Variants in CCR7 observed in about 807,000 individuals in gnomAD.
CCR7 encodes C-C motif chemokine receptor 7.
A neutral mutation model predicts 26.0 loss-of-function variants in CCR7; 11 were observed. That is an observed-to-expected ratio of 0.42 (90% CI 0.27 to 0.70). The LOEUF is 0.70. Ranked by LOEUF, CCR7 falls within the 30% of genes least tolerant of loss-of-function variation. The pLI, the probability that CCR7 is intolerant of heterozygous loss-of-function variation, is 0.23. For missense variants in CCR7, 360 were observed against 504.0 expected (o/e 0.71, Z 2.74); for synonymous variants, 189 against 202.1 (o/e 0.94, Z 0.55).
At chr17:40,564,796 G>A (rs1312245004) in intron 1 of CCR7, among the ~76,000 whole-genome samples, 1 of 152,140 alleles carries the variant, frequency 6.6e-6, no homozygotes, top group Non-Finnish European at 1.5e-5. Flanking sequence ...CTTGCAAGAG[G>A]CAACAGCAAA....
chr17:40,554,707 G>A lies in CCR7; in HGVS notation c.*35C>T, dbSNP rs1427193981. 6.7e-7 allele frequency: 1 copy of A among 1,494,968 alleles called. No individual in the cohort carries two copies. Among genetic ancestry groups the A allele is most frequent in the Non-Finnish European group, 9.1e-7 (1 of 1,098,008 alleles). The allele number at this position is 1,494,968 out of a possible 1,614,324, so 92.6% of individuals were successfully genotyped here. On this transcript the variant is annotated 3_prime_UTR_variant, in exon 3 of 3. Transcript: ENST00000246657. ...TCCCTATCCCCACCCCAGGGACCCT[G>A]GGAGAGGTCCCTCTAGTCCAGGCAG... is the stretch of plus-strand genomic sequence containing the variant.
At position 40,555,607 on chromosome 17, in the gene CCR7, G is replaced by C; in HGVS notation, c.272C>G (p.Thr91Ser). The change falls in exon 3 of 3, where the codon ACC becomes AGC. Residue 91 changes from threonine (T) to serine (S), a missense_variant. Coordinates refer to ENST00000246657, the MANE Select transcript of CCR7 (RefSeq NM_001838.4). This position sits in a 1 kb window ranked among gnomAD's most constrained non-coding sequence, Gnocchi z 5.6. ...GTTGAGCAGGTAGGTATCGGTCATG[G>C]TCTTGAGCCTCTTGAAATAGATATA... ...LTYIYFKRLK[T>S]MTDTYLLNLA... The C allele has an allele frequency of 6.2e-7, 1 of 1,614,168 alleles. No homozygotes were observed. The highest frequency in any genetic ancestry group is 1.3e-5 in the African/African-American group (1 of 75,042).
At position 40,565,437 on chromosome 17, in the gene CCR7, A is replaced by C. The variant is rs752254779; in HGVS notation, c.-28T>G. The C allele has an allele frequency of 2.7e-5, 44 of 1,612,494 alleles. No homozygotes were observed. The South Asian group carries it at 4.4e-4, about 16-fold the overall frequency. Reference sequence around the variant, plus strand: ...CGCTCTCTGGGCGGTAAAACCACACAGGAAGGCTGTGCCCGGCCTCGCACT... The same window carrying C: ...CGCTCTCTGGGCGGTAAAACCACACCGGAAGGCTGTGCCCGGCCTCGCACT... On this transcript the variant is annotated 5_prime_UTR_variant, in exon 1 of 3. Coordinates refer to ENST00000246657, the MANE Select transcript of CCR7 (RefSeq NM_001838.4).
In CCR7 at chr17:40,559,210, C is replaced by T. The variant is rs563050018; in HGVS notation, c.11-268G>A. Among the ~76,000 whole-genome samples the T allele has an allele frequency of 3.3e-5, 5 of 152,332 alleles. No homozygotes were observed. The South Asian group carries it at 1.0e-3, about 32-fold the overall frequency. ...AATGCAGGGCAGCCCCTCCCACCCC[C>T]TGTCTTGGCCCATCTGGGCTGCTTC... On this transcript the variant is annotated intron_variant, in intron 1 of 2. Coordinates refer to ENST00000246657, the MANE Select transcript of CCR7 (RefSeq NM_001838.4).
chr17:40,565,386 A>G lies in CCR7; in HGVS notation c.10+14T>C, dbSNP rs2036698979. 1.2e-6 allele frequency: 2 copies of G among 1,611,628 alleles called. No homozygotes were observed. Among genetic ancestry groups the G allele is most frequent in the South Asian group, 1.1e-5 (1 of 91,042 alleles). On this transcript the variant is annotated intron_variant, in intron 1 of 2. Coordinates refer to ENST00000246657, the MANE Select transcript of CCR7 (RefSeq NM_001838.4). Reference sequence around the variant, plus strand: ...CCTGGTACTGTTCCTTCTCACATGAAGAGGCTCACTCACCCAGGTCCATGA... The same window carrying G: ...CCTGGTACTGTTCCTTCTCACATGAGGAGGCTCACTCACCCAGGTCCATGA...
chr17:40,561,201 C>G (rs1037905014), intron 1 of CCR7, among the ~76,000 whole-genome samples: 12 of 152,240 alleles, frequency 7.9e-5, no homozygotes, highest in African/African-American at 2.4e-4. Context: ...GACGCTGTCC[C>G]ACTCCTGCTG....
chr17:40,556,179 A>G (rs1160479052), intron 2 of CCR7, among the ~76,000 whole-genome samples: 1 of 152,080 alleles, frequency 6.6e-6, no homozygotes, highest in African/African-American at 2.4e-5. Flanking sequence ...ATCACCTGGG[A>G]ACTTGTTAGG....
At chr17:40,559,872 G>C (rs959658994) in intron 1 of CCR7, among the ~76,000 whole-genome samples, 1 of 152,198 alleles carries the variant, frequency 6.6e-6, no homozygotes. Context: ...TCCTGTTGCA[G>C]TGTGGGGGAA....
In CCR7 at chr17:40,555,823, G is replaced by A. The variant is rs371543631; in HGVS notation, c.61-5C>T. The A allele has an allele frequency of 1.7e-5, 28 of 1,604,404 alleles. No individual in the cohort carries two copies. The highest frequency in any genetic ancestry group is 2.1e-5 in the Non-Finnish European group (25 of 1,172,634). On this transcript the variant is annotated splice_polypyrimidine_tract_variant and splice_region_variant and intron_variant, in intron 2 of 2. Coordinates refer to ENST00000246657, the MANE Select transcript of CCR7 (RefSeq NM_001838.4). This position sits in a 1 kb window ranked among gnomAD's most constrained non-coding sequence, Gnocchi z 5.6. ...CTCATCTTGACACAGGCATACCTTCGGGGAAGGAAATGAGGGAAAACAGGC... is the reference window on the plus strand; with the variant it reads ...CTCATCTTGACACAGGCATACCTTCAGGGAAGGAAATGAGGGAAAACAGGC...
intron 1 of CCR7, 95 bp downstream of exon 1, chr17:40,565,305 C>T (rs1420809631): frequency 8.3e-6 from 9 of 1,087,586 alleles, no homozygotes; most frequent in African/African-American, 3.1e-5. Context: ...CACCCCTATG[C>T]GCTCCACCCG....
intron 1 of CCR7, chr17:40,560,968 C>T (rs771411211): frequency 6.6e-6 from 1 of 152,318 alleles, no homozygotes; most frequent in East Asian, 1.9e-4. Flanking sequence ...CAACCACACT[C>T]TTCACGGTTC....
At chr17:40,556,046 A>G (rs559211298) in intron 2 of CCR7, among the ~76,000 whole-genome samples, 68 of 152,120 alleles carry the variant, frequency 4.5e-4, no homozygotes, top group Non-Finnish European at 5.6e-4. Context: ...AGCTGGGACC[A>G]CAGCCTTATG....
Position 40,565,445 on chromosome 17 carries a change from T to G in CCR7, c.-36A>C. The G allele has an allele frequency of 6.2e-7, 1 of 1,611,896 alleles. No homozygotes were observed. Among genetic ancestry groups the G allele is most frequent in the Non-Finnish European group, 8.5e-7 (1 of 1,177,960 alleles). ...GGGCGGTAAAACCACACAGGAAGGC[T>G]GTGCCCGGCCTCGCACTACCCCTGT... On this transcript the variant is annotated 5_prime_UTR_variant, in exon 1 of 3. Transcript: ENST00000246657.
chr17:40,562,164 C>T (rs1031525416), intron 1 of CCR7, among the ~76,000 whole-genome samples: 1 of 152,230 alleles, frequency 6.6e-6, no homozygotes, highest in South Asian at 2.1e-4. Flanking sequence ...CACTCCTAAC[C>T]ATCCTTCTGT....
At position 40,553,961 on chromosome 17, in the gene CCR7, C is replaced by G. The variant is rs1482347791; in HGVS notation, c.*781G>C. On this transcript the variant is annotated 3_prime_UTR_variant, in exon 3 of 3. Transcript: ENST00000246657. ...TGGGCCTTGGGCGGCCACTGTCACC[C>G]TCCCCGCCCCTGACATTTCCCTTGT... 6.6e-6 allele frequency: 1 copy of G among 152,178 alleles called. No individual in the cohort carries two copies. The highest frequency in any genetic ancestry group is 2.4e-5 in the African/African-American group (1 of 41,412). The allele number at this position is 152,178 out of a possible 1,614,324, so 9.4% of individuals were successfully genotyped here.
At chr17:40,560,916 G>A (rs2036648305) in intron 1 of CCR7, 1 of 152,248 alleles carries the variant, frequency 6.6e-6, no homozygotes. Context: ...CTTTTTCACT[G>A]AATTACCCCT....
chr17:40,555,763 A>G lies in CCR7; in HGVS notation c.116T>C (p.Val39Ala). 8 of 1,614,188 alleles carry G rather than the reference A, an allele frequency of 5.0e-6. No individual in the cohort carries two copies. Among genetic ancestry groups the G allele is most frequent in the Non-Finnish European group, 6.8e-6 (8 of 1,180,040 alleles). The part of the protein sequence containing the change: ...TDDYIGDNTT[V>A]DYTLFESLCS... ...CAAAGACTCGAACAAAGTGTAGTCC[A>G]CTGTGGTGTTGTCTCCGATGTAATC... Residue 39 changes from valine to alanine, a missense_variant, in exon 3 of 3, where the codon GTG (valine) becomes GCG (alanine). By Grantham distance (64) the Val-to-Ala change is moderately conservative (BLOSUM62 0). Coordinates refer to ENST00000246657, the MANE Select transcript of CCR7 (RefSeq NM_001838.4). The surrounding 1 kb of genome is among the most constrained non-coding windows in gnomAD (Gnocchi z 5.6).
At chr17:40,564,874 G>A (rs561953682) in intron 1 of CCR7, among the ~76,000 whole-genome samples, 18 of 152,338 alleles carry the variant, frequency 1.2e-4, no homozygotes, top group African/African-American at 3.4e-4. Context: ...GCAATGCACC[G>A]CACCATTCTC....
chr17:40,554,952 G>A lies in CCR7; in HGVS notation c.927C>T (p.Asp309=), dbSNP rs747194288. The A allele has an allele frequency of 7.4e-6, 12 of 1,614,222 alleles. No individual in the cohort carries two copies. Among genetic ancestry groups the A allele is most frequent in the African/African-American group, 6.7e-5 (5 of 75,040 alleles). The change falls in exon 3 of 3, where the codon GAC becomes GAT. Residue 309 remains aspartate (D), a synonymous_variant. Coordinates refer to ENST00000246657, the MANE Select transcript of CCR7 (RefSeq NM_001838.4). ...ELSKQLNIAY[D]VTYSLACVRC... is the part of the protein sequence containing the mutation. ...GGACGCAGGCCAGGCTGTAGGTGAC[G>A]TCGTAGGCGATGTTGAGTTGCTTAC...
Sources: allele counts gnomAD v4.1 joint callset (sites outside exome capture counted in the v4.1 genomes callset), GRCh38; gene constraint gnomAD v4.1.1; non-coding constraint Gnocchi (gnomAD v3.1); transcripts MANE v1.5; gene names NCBI Gene and HGNC (gene_info 2026-07-23, HGNC 2026-07-21).